Variants in FANCM observed in about 807,000 individuals in gnomAD.
The protein encoded by FANCM is FA complementation group M, also known as Fanconi anemia group M protein.
FANCM carries 140 observed loss-of-function variants against 199.5 expected under a neutral mutation model. The observed-to-expected ratio is 0.70, with a 90% CI of 0.61 to 0.81. The LOEUF is 0.81. Ranked by LOEUF, FANCM falls within the 30% of genes least tolerant of loss-of-function variation. The pLI, the probability that FANCM is intolerant of heterozygous loss-of-function variation, is 0.00. For synonymous variants in FANCM, 840 were observed against 836.8 expected, an observed-to-expected ratio of 1.00 and a Z score of -0.07; for missense variants, 2,410 against 2,421.4, an observed-to-expected ratio of 1.00 and a Z score of 0.10.
chr14:45,166,881 T>C (rs1436127240), intron 10 of FANCM, 69 bp from the exon 11 acceptor site: 1 of 903,536 alleles, frequency 1.1e-6, no homozygotes, highest in Non-Finnish European at 1.8e-6. Flanking sequence ...AAACTAATAA[T>C]TGCTTGTTAT....
At chr14:45,150,853 A>G (rs1886768978) in intron 4 of FANCM, among the ~76,000 whole-genome samples, 1 of 152,214 alleles carries the variant, frequency 6.6e-6, no homozygotes, top group Admixed American at 6.5e-5. Context: ...GCAGTGACAA[A>G]TAAAGTCTTA....
chr14:45,195,039 G>A (rs537077113), intron 20 of FANCM, among the ~76,000 whole-genome samples: 14 of 152,122 alleles, frequency 9.2e-5, no homozygotes, highest in African/African-American at 1.9e-4. Context: ...GTGAGCCACC[G>A]CTGTATCATA....
rs1890273129 is a variant in FANCM, at chr14:45,199,982, CAAGA to C, written c.6122_6125del (p.Gln2041LeufsTer3). On this transcript the variant is annotated frameshift_variant, in exon 23 of 23. Coordinates refer to ENST00000267430, the MANE Select transcript of FANCM (RefSeq NM_020937.4). LOFTEE classifies it high-confidence loss of function. ...ACAAATGTTACCAAATGATCTTAAC[CAAGA>C]TAGACTGAAATCTGATATATAATCA... 6.2e-7 allele frequency: 1 copy of C among 1,608,662 alleles called. No individual in the cohort carries two copies. The highest frequency in any genetic ancestry group is 1.1e-5 in the South Asian group (1 of 90,866).
In FANCM at chr14:45,170,663, A is replaced by G. The variant is rs1252544577; in HGVS notation, c.2077A>G (p.Arg693Gly). ...EEFKLWNRLY[R>G]LRDSDEIKEI... ...ATTTAAATTATGGAACAGACTTTATAGATTAAGGGACAGTGATGAAATTAA... is the reference window on the plus strand; with the variant it reads ...ATTTAAATTATGGAACAGACTTTATGGATTAAGGGACAGTGATGAAATTAA... Residue 693 changes from arginine to glycine, a missense_variant, in exon 12 of 23, where the codon AGA becomes GGA. By Grantham distance (125) the Arg-to-Gly change is moderately radical (BLOSUM62 -2). Transcript: ENST00000267430. The G allele has an allele frequency of 6.2e-7, 1 of 1,603,262 alleles. No homozygotes were observed. The highest frequency in any genetic ancestry group is 8.5e-7 in the Non-Finnish European group (1 of 1,170,374).
At chr14:45,145,073 T>C (rs1490309390) in intron 3 of FANCM, among the ~76,000 whole-genome samples, 1 of 151,930 alleles carries the variant, frequency 6.6e-6, no homozygotes. Flanking sequence ...ACTGTGTTCT[T>C]CCCTTCAAGG....
intron 1 of FANCM, 64 bp downstream of exon 1, chr14:45,136,603 C>T (rs1350811625): frequency 6.7e-7 from 1 of 1,497,278 alleles, no homozygotes; most frequent in Non-Finnish European, 9.2e-7. Flanking sequence ...TGGAATAGTT[C>T]CCAAGCTACA....
intron 10 of FANCM, among the ~76,000 whole-genome samples, chr14:45,166,408 A>G (rs1381178654): frequency 6.6e-6 from 1 of 151,970 alleles, no homozygotes; most frequent in Non-Finnish European, 1.5e-5. Context: ...AAGTGCTGGG[A>G]TTACAGGCGT....
intron 20 of FANCM, 47 bp downstream of exon 20, chr14:45,189,409 T>C: frequency 1.4e-6 from 2 of 1,396,800 alleles, no homozygotes; most frequent in Non-Finnish European, 2.0e-6. Context: ...TTACCAGAAG[T>C]TTTTCTTTTT....
chr14:45,169,265 G>A (rs542070747), intron 11 of FANCM, among the ~76,000 whole-genome samples: 155 of 151,888 alleles, frequency 1.0e-3, no homozygotes, highest in Non-Finnish European at 1.6e-3. Context: ...TGCCTATTTC[G>A]AAATCTTAGA....
At chr14:45,191,978 C>T (rs1200895655) in intron 20 of FANCM, among the ~76,000 whole-genome samples, 1 of 152,026 alleles carries the variant, frequency 6.6e-6, no homozygotes, top group Non-Finnish European at 1.5e-5. Flanking sequence ...AAACTAAGTA[C>T]TTCCACTATT....
rs1227066484 is a variant in FANCM at position 45,181,488 on chromosome 14, TA to T, written c.4285del (p.Arg1429GlufsTer7). ...EDDEIFRRKV[K>X]RAKGNVLNSP... ...ATGACGAGATTTTCCGAAGAAAAGT[TA>T]AAAGAGCAAAAGGAAATGTTTTAAA... On this transcript the variant is annotated frameshift_variant, in exon 15 of 23. Coordinates refer to ENST00000267430, the MANE Select transcript of FANCM (RefSeq NM_020937.4). LOFTEE classifies it high-confidence loss of function. 8 of 1,608,336 alleles carry T rather than the reference TA, an allele frequency of 5.0e-6. No homozygotes were observed. The highest frequency in any genetic ancestry group is 6.8e-6 in the Non-Finnish European group (8 of 1,175,148).
chr14:45,159,586 T>C (rs933107083), intron 9 of FANCM, among the ~76,000 whole-genome samples: 1 of 152,210 alleles, frequency 6.6e-6, no homozygotes, highest in African/African-American at 2.4e-5. Context: ...TCCTCAGTTT[T>C]CCTTATCTGT....
intron 18 of FANCM, among the ~76,000 whole-genome samples, chr14:45,187,051 A>G (rs1000058262): frequency 2.0e-5 from 3 of 152,176 alleles, no homozygotes; most frequent in African/African-American, 7.2e-5. Flanking sequence ...CCAATGGATT[A>G]GAAAAAAAGG....
rs145191288 is a variant in FANCM at position 45,162,828 on chromosome 14, A to G, written c.1582-1531A>G. On this transcript the variant is annotated intron_variant, in intron 9 of 22. Coordinates refer to ENST00000267430, the MANE Select transcript of FANCM (RefSeq NM_020937.4). Reference sequence around the variant, plus strand: ...AATTGACATTCTTTATTAATCTGTTAGTTATATTAAGAAAAAATGTATCTA... The same window carrying G: ...AATTGACATTCTTTATTAATCTGTTGGTTATATTAAGAAAAAATGTATCTA... 5.3e-5 allele frequency among the ~76,000 whole-genome samples: 8 copies of G among 152,282 alleles called. No individual in the cohort carries two copies. The East Asian group carries it at 1.5e-3, about 29-fold the overall frequency.
intron 3 of FANCM, among the ~76,000 whole-genome samples, chr14:45,144,557 A>G (rs1485322693): frequency 6.6e-6 from 1 of 152,202 alleles, no homozygotes; most frequent in Non-Finnish European, 1.5e-5. Flanking sequence ...CTCAAAGCAC[A>G]AGATGAAGTC....
chr14:45,168,302 A>G (rs909311070), intron 11 of FANCM, among the ~76,000 whole-genome samples: 1 of 152,146 alleles, frequency 6.6e-6, no homozygotes, highest in African/African-American at 2.4e-5. Flanking sequence ...GTCATTTTTC[A>G]AGATTTTGCC....
chr14:45,150,977 A>G (rs894466949), intron 4 of FANCM, among the ~76,000 whole-genome samples: 28 of 152,190 alleles, frequency 1.8e-4, no homozygotes, highest in African/African-American at 6.0e-4. Flanking sequence ...GGACATTTCA[A>G]TTTATTCAGT....
chr14:45,171,797 C>A (rs941637278), intron 12 of FANCM, among the ~76,000 whole-genome samples: 3 of 151,342 alleles, frequency 2.0e-5, no homozygotes, highest in Admixed American at 6.6e-5. Flanking sequence ...TTTGCAGTTG[C>A]GAATTTTGCT....
At chr14:45,150,471 T>C (rs1886735684) in intron 4 of FANCM, among the ~76,000 whole-genome samples, 1 of 152,136 alleles carries the variant, frequency 6.6e-6, no homozygotes, top group South Asian at 2.1e-4. Context: ...ATTTAGAAAA[T>C]ACAAATTAGG....
Sources: allele counts gnomAD v4.1 joint callset (sites outside exome capture counted in the v4.1 genomes callset), GRCh38; gene constraint gnomAD v4.1.1; transcripts MANE v1.5; gene names NCBI Gene and HGNC (gene_info 2026-07-23, HGNC 2026-07-21).